The following RHPN2 variants were observed in gnomAD, a reference collection of about 807,000 sequenced individuals.
RHPN2 encodes the protein rhophilin-2.
A neutral mutation model predicts 79.0 loss-of-function variants in RHPN2; 40 were observed. That is an observed-to-expected ratio of 0.51 (90% CI 0.39 to 0.66). RHPN2 has a LOEUF of 0.66. Ranked by LOEUF, RHPN2 falls within the 30% of genes least tolerant of loss-of-function variation. RHPN2 has a pLI of 0.00. For missense variants in RHPN2, 686 were observed against 883.5 expected, an observed-to-expected ratio of 0.78 and a Z score of 2.83; for synonymous variants, 285 against 363.5, an observed-to-expected ratio of 0.78 and a Z score of 2.46.
intron 1 of RHPN2, among the ~76,000 whole-genome samples, chr19:33,051,282 G>A (rs747960820): frequency 2.4e-4 from 36 of 152,104 alleles, no homozygotes; most frequent in Non-Finnish European, 4.1e-4. Flanking sequence ...GCGAGCCACC[G>A]CACTGGCCTA....
At chr19:33,039,906 A>G (rs1225167807) in intron 2 of RHPN2, among the ~76,000 whole-genome samples, 4 of 150,088 alleles carry the variant, frequency 2.7e-5, no homozygotes, top group South Asian at 2.1e-4. Flanking sequence ...TTCTCCTGGA[A>G]AAAAAAAAAA....
chr19:33,059,302 ATTT>A (rs537027276), intron 1 of RHPN2, among the ~76,000 whole-genome samples: 1 of 136,862 alleles, frequency 7.3e-6, no homozygotes. Flanking sequence ...TTCTTTTATC[ATTT>A]TTTTTTTTTT....
intron 1 of RHPN2, among the ~76,000 whole-genome samples, chr19:33,056,660 A>G (rs1412360791): frequency 6.6e-6 from 1 of 152,232 alleles, no homozygotes; most frequent in African/African-American, 2.4e-5. Flanking sequence ...ATAAGTTGAG[A>G]AAGTAATTTA....
At chr19:33,042,330 C>G (rs1223101049) in intron 2 of RHPN2, among the ~76,000 whole-genome samples, 2 of 152,168 alleles carry the variant, frequency 1.3e-5, no homozygotes, top group African/African-American at 4.8e-5. Context: ...CAACCAGAAC[C>G]CTAGGCCACA....
At chr19:33,016,671 A>G (rs1971880845) in intron 4 of RHPN2, among the ~76,000 whole-genome samples, 1 of 152,026 alleles carries the variant, frequency 6.6e-6, no homozygotes, top group African/African-American at 2.4e-5. Context: ...ACAGAGTGAG[A>G]CTCCCTCTCT....
At chr19:32,983,318 G>A (rs536811232) in intron 14 of RHPN2, among the ~76,000 whole-genome samples, 2 of 151,848 alleles carry the variant, frequency 1.3e-5, no homozygotes, top group East Asian at 2.0e-4. Context: ...TGAGACCATC[G>A]GGGCTAACAT....
At chr19:33,035,838 C>G (rs896102971) in intron 2 of RHPN2, among the ~76,000 whole-genome samples, 2 of 152,088 alleles carry the variant, frequency 1.3e-5, no homozygotes, top group African/African-American at 4.8e-5. Context: ...AATATCGGGC[C>G]GGGCGCCATG....
chr19:33,050,231 T>A (rs2145267764), intron 1 of RHPN2, among the ~76,000 whole-genome samples: 1 of 152,116 alleles, frequency 6.6e-6, no homozygotes, highest in Middle Eastern at 3.4e-3. Flanking sequence ...GAAGAGTGTC[T>A]CCCTAGACAG....
At chr19:33,046,322 G>A (rs1215634980) in intron 1 of RHPN2, among the ~76,000 whole-genome samples, 1 of 152,118 alleles carries the variant, frequency 6.6e-6, no homozygotes, top group Non-Finnish European at 1.5e-5. Context: ...CTTGAGTGCA[G>A]TGGCTCGATC....
At chr19:33,050,938 T>C (rs575825612) in intron 1 of RHPN2, among the ~76,000 whole-genome samples, 8 of 152,186 alleles carry the variant, frequency 5.3e-5, no homozygotes, top group Non-Finnish European at 1.0e-4. Context: ...GATTAAATTT[T>C]CTAGCACCTG....
intron 2 of RHPN2, among the ~76,000 whole-genome samples, chr19:33,036,833 G>A (rs1256952169): frequency 2.0e-5 from 3 of 152,214 alleles, no homozygotes; most frequent in Admixed American, 6.5e-5. Flanking sequence ...GCCTTCCCGT[G>A]GGGCAGGGCT....
chr19:32,993,839 G>A, intron 12 of RHPN2, 138 bp downstream of exon 12: 1 of 714,770 alleles, frequency 1.4e-6, no homozygotes, highest in Non-Finnish European at 2.6e-6. Flanking sequence ...CCGGAACTAA[G>A]AAATATATTT....
At chr19:33,052,326 T>C (rs1345744985) in intron 1 of RHPN2, among the ~76,000 whole-genome samples, 1 of 152,040 alleles carries the variant, frequency 6.6e-6, no homozygotes, top group Non-Finnish European at 1.5e-5. Flanking sequence ...TGCAGAGGTG[T>C]TTCCAGCAAA....
At chr19:33,046,546 C>T (rs910723512) in intron 1 of RHPN2, among the ~76,000 whole-genome samples, 3 of 151,996 alleles carry the variant, frequency 2.0e-5, no homozygotes, top group Non-Finnish European at 4.4e-5. Context: ...GGATTACAGG[C>T]GTGAGCCACT....
At chr19:33,006,145 G>A (rs1333914369) in intron 7 of RHPN2, among the ~76,000 whole-genome samples, 1 of 151,948 alleles carries the variant, frequency 6.6e-6, no homozygotes, top group Non-Finnish European at 1.5e-5. Flanking sequence ...CTCCTAAAGT[G>A]CTGGGATTAC....
chr19:32,990,137 T>TAAAA (rs370372368), intron 14 of RHPN2, among the ~76,000 whole-genome samples: 1 of 17,872 alleles, frequency 5.6e-5, no homozygotes, highest in East Asian at 4.3e-4. Flanking sequence ...AGAAAATGAA[T>TAAAA]AAAGAAAGAA....
chr19:33,043,311 G>A (rs1215288986), intron 2 of RHPN2, among the ~76,000 whole-genome samples: 3 of 152,268 alleles, frequency 2.0e-5, no homozygotes, highest in East Asian at 1.9e-4. Context: ...AGCACTTTGC[G>A]AGGTGGAGGC....
At chr19:32,987,597 C>G (rs1301476287) in intron 14 of RHPN2, among the ~76,000 whole-genome samples, 4 of 152,164 alleles carry the variant, frequency 2.6e-5, no homozygotes, top group Non-Finnish European at 4.4e-5. Context: ...GAACTCTCCT[C>G]CATTTTCTTT....
intron 7 of RHPN2, among the ~76,000 whole-genome samples, chr19:33,006,019 ACAGGCATGCACCAC>A (rs1971788230): frequency 6.6e-6 from 1 of 151,994 alleles, no homozygotes; most frequent in Non-Finnish European, 1.5e-5. Flanking sequence ...AGCTGAGACT[ACAGGCATGCACCAC>A]CAGGCCCAGC....
Sources: gnomAD v4.1 joint callset for allele counts (sites outside exome capture counted in the v4.1 genomes callset) on GRCh38, gnomAD v4.1.1 for gene constraint, MANE v1.5 for transcripts, NCBI Gene and HGNC (gene_info 2026-07-23, HGNC 2026-07-21) for gene names.